Variants in MRPS5 observed in about 807,000 individuals in gnomAD.
The protein encoded by MRPS5 is mitochondrial ribosomal protein S5.
MRPS5 carries 27 observed loss-of-function variants against 51.9 expected under a neutral mutation model. That is an observed-to-expected ratio of 0.52 (90% CI 0.38 to 0.72). The LOEUF is 0.72. Among genes scored for constraint, MRPS5 ranks in the 30% least tolerant of loss-of-function variants. The pLI is 0.00. For missense variants in MRPS5, 570 were observed against 545.7 expected (o/e 1.04, Z -0.44); for synonymous variants, 196 against 193.2 (o/e 1.01, Z -0.12).
At chr2:95,116,126 G>C (rs1676279668) in intron 2 of MRPS5, among the ~76,000 whole-genome samples, 1 of 151,750 alleles carries the variant, frequency 6.6e-6, no homozygotes, top group South Asian at 2.1e-4. Context: ...GGCTGGTCTT[G>C]AACTCCTGAC....
chr2:95,089,836 T>C (rs1403058568), intron 11 of MRPS5, among the ~76,000 whole-genome samples: 4 of 152,234 alleles, frequency 2.6e-5, no homozygotes, highest in East Asian at 1.9e-4. Context: ...ATTGTAATTA[T>C]TGGCTTTAAA....
chr2:95,100,514 T>A lies in MRPS5; in HGVS notation c.891A>T (p.Arg297Ser). ...TCATCTTGATATGCGTCCTTTTAAA[T>A]CTTAATGAAATATCATGGAATACTG... The part of the protein sequence containing the change: ...DHTIFHDISL[R>S]FKRTHIKMKK... Residue 297 changes from arginine (R) to serine (S), a missense_variant, in exon 10 of 12, where the codon AGA becomes AGT. Physicochemically the swap from Arg to Ser is moderately radical, Grantham distance 110 (BLOSUM62 -1). Coordinates refer to ENST00000272418, the MANE Select transcript of MRPS5 (RefSeq NM_031902.5). 1.2e-6 allele frequency: 2 copies of A among 1,608,608 alleles called. No homozygotes were observed. Among genetic ancestry groups the A allele is most frequent in the Non-Finnish European group, 1.7e-6 (2 of 1,175,234 alleles).
intron 4 of MRPS5, among the ~76,000 whole-genome samples, chr2:95,109,345 G>A (rs1184641728): frequency 6.6e-6 from 1 of 152,194 alleles, no homozygotes; most frequent in Non-Finnish European, 1.5e-5. Flanking sequence ...CGGGCTGATT[G>A]AAGTACACTA....
chr2:95,098,216 AC>A (rs1438155938), intron 10 of MRPS5, among the ~76,000 whole-genome samples: 10 of 152,234 alleles, frequency 6.6e-5, no homozygotes, highest in African/African-American at 2.2e-4. Flanking sequence ...ATGTAAAGAA[AC>A]AGGAAGGCTT....
At chr2:95,113,472 G>A (rs939603974) in intron 3 of MRPS5, among the ~76,000 whole-genome samples, 6 of 152,116 alleles carry the variant, frequency 3.9e-5, no homozygotes, top group Admixed American at 6.5e-5. Flanking sequence ...GCAAGACTCC[G>A]TCTCAAACAT....
At chr2:95,106,024 C>T (rs1306981860) in intron 6 of MRPS5, among the ~76,000 whole-genome samples, 1 of 152,190 alleles carries the variant, frequency 6.6e-6, no homozygotes, top group Admixed American at 6.5e-5. Flanking sequence ...CAGACAGGCA[C>T]CACAACTCTT....
chr2:95,113,096 G>A (rs1439939930), intron 3 of MRPS5, among the ~76,000 whole-genome samples: 2 of 152,044 alleles, frequency 1.3e-5, no homozygotes, highest in African/African-American at 4.8e-5. Context: ...CGAGGCAGGG[G>A]TGGGACAACC....
chr2:95,106,430 A>G lies in MRPS5; in HGVS notation c.665T>C (p.Ile222Thr). ...TTAATTCTGCATGCCTACCTCAAGT[A>G]TCCTGGTATCAAAATCCTCATATGT... ...GETYEDFDTRILEVRNVFTMT... is the reference protein window; with the variant it reads ...GETYEDFDTRTLEVRNVFTMT... The change falls in exon 6 of 12, where the codon ATA becomes ACA. Residue 222 changes from isoleucine to threonine, a missense_variant. Physicochemically the swap from Ile to Thr is moderately conservative, Grantham distance 89. Coordinates refer to ENST00000272418, the MANE Select transcript of MRPS5 (RefSeq NM_031902.5). The G allele has an allele frequency of 6.2e-7, 1 of 1,608,424 alleles. No homozygotes were observed.
rs1273104565 is a variant in MRPS5, at chr2:95,121,767, C to CCA, written c.23_24dup (p.Gly9TrpfsTer22). ...CCGCTACACAGCACGGGGAGGCAGC[C>CCA]CACAGCGCGCACCGCGGTCGCCATG... On this transcript the variant is annotated frameshift_variant, in exon 1 of 12. Coordinates refer to ENST00000272418, the MANE Select transcript of MRPS5 (RefSeq NM_031902.5). LOFTEE classifies it high-confidence loss of function. 6.4e-7 allele frequency: 1 copy of CCA among 1,553,380 alleles called. No individual in the cohort carries two copies. Among genetic ancestry groups the CCA allele is most frequent in the Non-Finnish European group, 8.6e-7 (1 of 1,159,042 alleles).
In MRPS5 at chr2:95,121,670, C is replaced by T. The variant is rs1371063559; in HGVS notation, c.58+64G>A. ...TTCCCTCCGCCCCGACTTCTGCAGGCCCCAGGCGAGCCCCCCACTCCCGGC... is the reference window on the plus strand; with the variant it reads ...TTCCCTCCGCCCCGACTTCTGCAGGTCCCAGGCGAGCCCCCCACTCCCGGC... On this transcript the variant is annotated intron_variant, in intron 1 of 11. Coordinates refer to ENST00000272418, the MANE Select transcript of MRPS5 (RefSeq NM_031902.5). 4.0e-6 allele frequency: 6 copies of T among 1,494,472 alleles called. No individual in the cohort carries two copies. In the African/African-American group the frequency reaches 5.8e-5, roughly 14 times the overall value. The allele number at this position is 1,494,472 out of a possible 1,614,324, so 92.6% of individuals were successfully genotyped here.
At chr2:95,099,212 C>T (rs1180680512) in intron 10 of MRPS5, among the ~76,000 whole-genome samples, 2 of 150,764 alleles carry the variant, frequency 1.3e-5, no homozygotes, top group Admixed American at 1.3e-4. Flanking sequence ...GCCACCGTGC[C>T]CGGCCAAAAA....
chr2:95,115,076 G>A lies in MRPS5; in HGVS notation c.267C>T (p.Phe89=). 1.3e-6 allele frequency: 2 copies of A among 1,558,050 alleles called. No homozygotes were observed. Among genetic ancestry groups the A allele is most frequent in the Non-Finnish European group, 1.7e-6 (2 of 1,156,990 alleles). ...GGCCATTCTACATACATTTAGTGAA[G>A]AAACTATATGGTCTATACTGCTGGC... The part of the protein sequence containing the change: ...LMSQQYRPYS[F]FTKLTADELW... The change falls in exon 3 of 12, where the codon TTC becomes TTT. Residue 89 remains phenylalanine, a synonymous_variant. Transcript: ENST00000272418.
intron 1 of MRPS5, among the ~76,000 whole-genome samples, chr2:95,121,091 C>A (rs903992868): frequency 2.0e-5 from 3 of 151,968 alleles, no homozygotes; most frequent in Non-Finnish European, 4.4e-5. Context: ...GCACTCCAGC[C>A]GGGGCGACAG....
chr2:95,092,906 C>T (rs2104396218), intron 10 of MRPS5: 1 of 152,340 alleles, frequency 6.6e-6, no homozygotes. Flanking sequence ...CAGGGCATCG[C>T]CTCACCCGGG....
chr2:95,117,834 G>A, intron 2 of MRPS5, 31 bp downstream of exon 2: 1 of 1,521,064 alleles, frequency 6.6e-7, no homozygotes. Context: ...TAGATCTTAT[G>A]AGAAAAGGTA....
intron 5 of MRPS5, 81 bp from the exon 6 acceptor site, chr2:95,106,538 T>C: frequency 8.6e-7 from 1 of 1,158,660 alleles, no homozygotes; most frequent in Non-Finnish European, 1.3e-6. Context: ...ACAGGCACCA[T>C]CACAGACCTT....
intron 5 of MRPS5, chr2:95,106,768 C>G (rs911156350): frequency 3.0e-5 from 13 of 430,254 alleles, no homozygotes; most frequent in Non-Finnish European, 4.3e-5. Flanking sequence ...CGGCCTCTCC[C>G]CCTAGGCCAA....
At chr2:95,096,944 C>T (rs1192472766) in intron 10 of MRPS5, among the ~76,000 whole-genome samples, 6 of 152,154 alleles carry the variant, frequency 3.9e-5, no homozygotes, top group African/African-American at 9.7e-5. Context: ...AAAACCCCAT[C>T]GTCTCAGCCC....
chr2:95,121,596 G>C (rs1237609714), intron 1 of MRPS5, 138 bp downstream of exon 1: 2 of 938,732 alleles, frequency 2.1e-6, no homozygotes, highest in African/African-American at 3.5e-5. Flanking sequence ...AGCGGCTCCG[G>C]CGGAAGGTGG....
Sources: allele counts gnomAD v4.1 joint callset (sites outside exome capture counted in the v4.1 genomes callset), GRCh38; gene constraint gnomAD v4.1.1; transcripts MANE v1.5; gene names NCBI Gene and HGNC (gene_info 2026-07-23, HGNC 2026-07-21).